BNC2: variants seen among roughly 807,000 people sequenced by gnomAD.
The protein encoded by BNC2 is zinc finger protein basonuclin-2.
A neutral mutation model predicts 76.3 loss-of-function variants in BNC2; 20 were observed. The ratio of observed to expected loss-of-function variants is 0.26; its 90% CI spans 0.18 to 0.38. The LOEUF is 0.38. BNC2 is among the 10% of genes least tolerant of loss of function. The pLI, the probability that BNC2 is intolerant of heterozygous loss-of-function variation, is 1.00. For synonymous variants in BNC2, 582 were observed against 514.8 expected, an observed-to-expected ratio of 1.13 and a Z score of -1.77; for missense variants, 1,382 against 1,399.8, an observed-to-expected ratio of 0.99 and a Z score of 0.20.
At chr9:16,780,684 G>A (rs1212771295) in intron 1 of BNC2, among the ~76,000 whole-genome samples, 1 of 152,048 alleles carries the variant, frequency 6.6e-6, no homozygotes, top group Non-Finnish European at 1.5e-5. Flanking sequence ...ATGATGTACT[G>A]GACAGTAAGG....
intron 6 of BNC2, chr9:16,421,260 A>AC (rs1189103529): frequency 1.5e-6 from 2 of 1,300,150 alleles, no homozygotes; most frequent in African/African-American, 3.0e-5. Flanking sequence ...GGCTGAGCTT[A>AC]CCTTGTGACA....
At chr9:16,449,905 T>G (rs1197648640) in intron 5 of BNC2, among the ~76,000 whole-genome samples, 3 of 152,122 alleles carry the variant, frequency 2.0e-5, no homozygotes, top group African/African-American at 7.2e-5. Flanking sequence ...TCCTATTATT[T>G]TGATAGCTGA....
chr9:16,506,332 G>A (rs962959658), intron 5 of BNC2, among the ~76,000 whole-genome samples: 1 of 151,978 alleles, frequency 6.6e-6, no homozygotes, highest in African/African-American at 2.4e-5. Context: ...ATTTGTCAAG[G>A]AAAGTCCTGG....
rs902678061 is a variant in BNC2 at position 16,686,126 on chromosome 9, T to C, written c.330+41671A>G. Among the ~76,000 whole-genome samples the C allele has an allele frequency of 1.4e-4, 21 of 152,204 alleles. 1 individual carries two copies. Among genetic ancestry groups the C allele is most frequent in the Admixed American group, 3.9e-4 (6 of 15,288 alleles). ...TGTTCAAATTTATTTTTCCTGTTCCTGGTGTAGGCTAGCACAGGCAGACTT... is the reference window on the plus strand; with the variant it reads ...TGTTCAAATTTATTTTTCCTGTTCCCGGTGTAGGCTAGCACAGGCAGACTT... On this transcript the variant is annotated intron_variant, in intron 3 of 6. Coordinates refer to ENST00000380672, the MANE Select transcript of BNC2 (RefSeq NM_017637.6).
In BNC2 at chr9:16,796,034, C is replaced by T. The variant is rs896197232; in HGVS notation, c.4-57549G>A. Among the ~76,000 whole-genome samples, 4 of 152,294 alleles carry T rather than the reference C, an allele frequency of 2.6e-5. No homozygotes were observed. The East Asian group carries it at 7.7e-4, about 29-fold the overall frequency. ...AGACAATTTACGCAGTCTCAAAGCT[C>T]TTAAATGAAGACAATGGAGTGAAGC... On this transcript the variant is annotated intron_variant, in intron 1 of 6. Coordinates refer to ENST00000380672, the MANE Select transcript of BNC2 (RefSeq NM_017637.6).
At chr9:16,722,157 T>C (rs1824176396) in intron 3 of BNC2, among the ~76,000 whole-genome samples, 1 of 152,236 alleles carries the variant, frequency 6.6e-6, no homozygotes, top group Non-Finnish European at 1.5e-5. Flanking sequence ...TAACGGACTG[T>C]TCCTTTGGAA....
At chr9:16,472,514 G>C (rs774136461) in intron 5 of BNC2, among the ~76,000 whole-genome samples, 1 of 152,154 alleles carries the variant, frequency 6.6e-6, no homozygotes, top group African/African-American at 2.4e-5. Context: ...TAAAAATTCA[G>C]AAGAGGTCAC....
At position 16,484,312 on chromosome 9, in the gene BNC2, G is replaced by C. The variant is rs115517682; in HGVS notation, c.670-46788C>G. 4.5e-3 allele frequency among the ~76,000 whole-genome samples: 688 copies of C among 152,286 alleles called. 6 individuals carry two copies. The highest frequency in any genetic ancestry group is 0.015 in the African/African-American group (642 of 41,564). The stretch of plus-strand genomic sequence containing the variant: ...CCTTGTTTTTGACACACTGGAAAAT[G>C]TACAGCCAGAGAGTGCTCGAGGCGA... On this transcript the variant is annotated intron_variant, in intron 5 of 6. Coordinates refer to ENST00000380672, the MANE Select transcript of BNC2 (RefSeq NM_017637.6).
At chr9:16,441,063 T>C (rs1405403387) in intron 5 of BNC2, among the ~76,000 whole-genome samples, 3 of 151,886 alleles carry the variant, frequency 2.0e-5, no homozygotes, top group Middle Eastern at 3.4e-3. Context: ...TTGTGGCTCA[T>C]GCCTATAATC....
chr9:16,807,912 G>C (rs1342137222), intron 1 of BNC2, among the ~76,000 whole-genome samples: 1 of 152,032 alleles, frequency 6.6e-6, no homozygotes, highest in Non-Finnish European at 1.5e-5. Flanking sequence ...AATATACTTT[G>C]TAGAATAAAA....
chr9:16,755,494 C>T (rs1421597666), intron 1 of BNC2, among the ~76,000 whole-genome samples: 1 of 152,172 alleles, frequency 6.6e-6, no homozygotes, highest in Non-Finnish European at 1.5e-5. Context: ...AGGGTAATAT[C>T]ACTATGCTAA....
At chr9:16,711,034 C>T (rs930079961) in intron 3 of BNC2, among the ~76,000 whole-genome samples, 2 of 152,048 alleles carry the variant, frequency 1.3e-5, no homozygotes, top group Admixed American at 6.6e-5. Context: ...TGCTGTCCCT[C>T]GCTCCCTCTA....
intron 1 of BNC2, 54 bp downstream of exon 1, chr9:16,870,592 G>T: frequency 1.9e-6 from 3 of 1,600,850 alleles, no homozygotes; most frequent in Non-Finnish European, 2.6e-6. Flanking sequence ...GGGCGCGGGG[G>T]TCATTTCTGA....
intron 1 of BNC2, among the ~76,000 whole-genome samples, chr9:16,774,078 C>A (rs1825899686): frequency 6.6e-6 from 1 of 152,094 alleles, no homozygotes; most frequent in Admixed American, 6.5e-5. Flanking sequence ...GTCTCCCAGG[C>A]TCAAGGGAGT....
chr9:16,605,225 G>A (rs947544799), intron 3 of BNC2, among the ~76,000 whole-genome samples: 4 of 152,214 alleles, frequency 2.6e-5, no homozygotes, highest in Non-Finnish European at 5.9e-5. Flanking sequence ...ATGTTTTCAA[G>A]TATATATTTC....
chr9:16,485,554 C>A (rs1442986972), intron 5 of BNC2, among the ~76,000 whole-genome samples: 1 of 152,202 alleles, frequency 6.6e-6, no homozygotes, highest in Non-Finnish European at 1.5e-5. Context: ...CAGGGCCGGT[C>A]CTCCACCCCA....
chr9:16,738,983 G>A (rs186914187), intron 1 of BNC2, among the ~76,000 whole-genome samples: 26 of 151,056 alleles, frequency 1.7e-4, no homozygotes, highest in African/African-American at 5.1e-4. Context: ...AAAGAAACAA[G>A]AGCAGAATTC....
Position 16,746,761 on chromosome 9 carries a change from G to A in BNC2, c.4-8276C>T, listed in dbSNP as rs1290390747. ...GCGGATCATGAGGTCAGGAGATCGA[G>A]ACCATCCTGGATTAACATGATGAAA... is the stretch of plus-strand genomic sequence containing the variant. On this transcript the variant is annotated intron_variant, in intron 1 of 6. Transcript: ENST00000380672. Among the ~76,000 whole-genome samples, 3 of 151,544 alleles carry A rather than the reference G, an allele frequency of 2.0e-5. No individual in the cohort carries two copies. In the South Asian group the frequency reaches 6.2e-4, roughly 32 times the overall value.
chr9:16,534,046 A>T (rs1261693116), intron 5 of BNC2, among the ~76,000 whole-genome samples: 1 of 152,164 alleles, frequency 6.6e-6, no homozygotes, highest in East Asian at 1.9e-4. Flanking sequence ...AGCTAAACCA[A>T]TAATGGTGTA....
Sources: gnomAD v4.1 joint callset for allele counts (sites outside exome capture counted in the v4.1 genomes callset) on GRCh38, gnomAD v4.1.1 for gene constraint, MANE v1.5 for transcripts, NCBI Gene and HGNC (gene_info 2026-07-23, HGNC 2026-07-21) for gene names.